SH3D19: variants seen among roughly 807,000 people sequenced by gnomAD.
The protein encoded by SH3D19 is SH3 domain containing 19, also known as SH3 domain-containing protein 19.
In SH3D19, 58 loss-of-function variants were observed where a neutral mutation model predicts 112.1. The ratio of observed to expected loss-of-function variants is 0.52; its 90% confidence interval spans 0.42 to 0.64. SH3D19 has a LOEUF of 0.64. Ranked by LOEUF, SH3D19 falls within the 30% of genes least tolerant of loss-of-function variation. The pLI, the probability that SH3D19 is intolerant of heterozygous loss-of-function variation, is 0.00. For synonymous variants in SH3D19, 391 were observed against 448.5 expected, an observed-to-expected ratio of 0.87 and a Z score of 1.62; for missense variants, 1,090 against 1,263.4, an observed-to-expected ratio of 0.86 and a Z score of 2.08.
chr4:151,296,045 AAAG>A lies in SH3D19; in HGVS notation c.112+29193_112+29195del, dbSNP rs1346758587. Among the ~76,000 whole-genome samples, 412 of 143,214 alleles carry A rather than the reference AAAG, an allele frequency of 2.9e-3. 2 individuals are homozygous for A. The highest frequency in any genetic ancestry group is 4.7e-3 in the Non-Finnish European group (315 of 66,772). 94.0% of individuals were successfully genotyped at this position (143,214 alleles called of 152,430 possible). ...GCAAGGCTCCGTCTCAAAAAAAAAA[AAAG>A]AAAGAAAGAAAGAAAGAAAGAAAAT... On this transcript the variant is annotated intron_variant, in intron 1 of 19. Transcript: ENST00000604030.
intron 2 of SH3D19, among the ~76,000 whole-genome samples, chr4:151,221,723 A>G (rs891923560): frequency 6.6e-6 from 1 of 152,220 alleles, no homozygotes; most frequent in Non-Finnish European, 1.5e-5. Flanking sequence ...ACCAAGACCA[A>G]TAGCACAGTC....
At chr4:151,212,793 G>A (rs114103690) in intron 2 of SH3D19, among the ~76,000 whole-genome samples, 34 of 152,332 alleles carry the variant, frequency 2.2e-4, no homozygotes, top group Middle Eastern at 3.4e-3. Context: ...TAAGGCCATA[G>A]TTGCCATAGA....
Position 151,175,148 on chromosome 4 carries a change from A to T in SH3D19, c.1056T>A (p.Thr352=), listed in dbSNP as rs372836320. 3.7e-6 allele frequency: 6 copies of T among 1,614,022 alleles called. No homozygotes were observed. In the African/African-American group the frequency reaches 8.0e-5, roughly 22 times the overall value. The part of the protein sequence containing the change: ...NRASGEWDSG[T]ENRLKVTSKE... ...TGGAGGTCACCTTGAGTCTGTTCTCAGTCCCAGAGTCCCACTCTCCAGAAG... is the reference window on the plus strand; with the variant it reads ...TGGAGGTCACCTTGAGTCTGTTCTCTGTCCCAGAGTCCCACTCTCCAGAAG... Residue 352 remains threonine, a synonymous_variant, in exon 7 of 20, where the codon ACT becomes ACA. Coordinates refer to ENST00000604030, the MANE Select transcript of SH3D19 (RefSeq NM_001378122.1).
intron 1 of SH3D19, among the ~76,000 whole-genome samples, chr4:151,280,479 C>G (rs1258876506): frequency 6.6e-6 from 1 of 152,220 alleles, no homozygotes; most frequent in African/African-American, 2.4e-5. Context: ...TGGTACTCAA[C>G]TAAGTCACAC....
intron 2 of SH3D19, among the ~76,000 whole-genome samples, chr4:151,208,920 G>A (rs1313115914): frequency 7.0e-6 from 1 of 143,028 alleles, no homozygotes; most frequent in Non-Finnish European, 1.5e-5. Flanking sequence ...CTTGTGATCC[G>A]CCCGCCTCAG....
rs368531964 is a variant in SH3D19, at chr4:151,307,298, A to G, written c.112+17943T>C. ...CGGCCTCCCAAAGTGCTGGGATTAC[A>G]GGCGTGAGCCACTGCGCCCGGCCCC... On this transcript the variant is annotated intron_variant, in intron 1 of 19. Coordinates refer to ENST00000604030, the MANE Select transcript of SH3D19 (RefSeq NM_001378122.1). Among the ~76,000 whole-genome samples, 639 of 152,292 alleles carry G rather than the reference A, an allele frequency of 4.2e-3. 4 individuals carry two copies. Among genetic ancestry groups the G allele is most frequent in the African/African-American group, 0.013 (558 of 41,538 alleles).
At chr4:151,283,098 T>C in intron 1 of SH3D19, 1 of 1,612,280 alleles carries the variant, frequency 6.2e-7, no homozygotes, top group Non-Finnish European at 8.5e-7. Context: ...TAATCTTTTG[T>C]TCCTGTCTTC....
At chr4:151,275,826 T>C (rs1350621739) in intron 1 of SH3D19, among the ~76,000 whole-genome samples, 1 of 105,656 alleles carries the variant, frequency 9.5e-6, no homozygotes, top group African/African-American at 3.4e-5. Flanking sequence ...CAGCCACTTC[T>C]ATTATTATTA....
intron 1 of SH3D19, among the ~76,000 whole-genome samples, chr4:151,297,145 A>C (rs9997461): frequency 0.34 from 51,472 of 152,104 alleles, 9,949 homozygotes; most frequent in Non-Finnish European, 0.44. Context: ...AAATCAGATT[A>C]ATGTATTCTC....
intron 12 of SH3D19, among the ~76,000 whole-genome samples, chr4:151,142,035 A>G (rs1453033742): frequency 6.6e-6 from 1 of 152,246 alleles, no homozygotes; most frequent in Non-Finnish European, 1.5e-5. Flanking sequence ...CATACAATTC[A>G]GACCATACCA....
At chr4:151,193,153 C>T (rs1361291206) in intron 2 of SH3D19, among the ~76,000 whole-genome samples, 1 of 152,086 alleles carries the variant, frequency 6.6e-6, no homozygotes, top group Admixed American at 6.6e-5. Context: ...ACTTAATAAG[C>T]AAATCCCCAG....
intron 1 of SH3D19, among the ~76,000 whole-genome samples, chr4:151,259,337 T>C (rs1230191085): frequency 1.3e-5 from 2 of 152,184 alleles, no homozygotes; most frequent in African/African-American, 4.8e-5. Context: ...AGAGGCAGCA[T>C]GCCTGGATGG....
intron 1 of SH3D19, among the ~76,000 whole-genome samples, chr4:151,304,231 A>C (rs939060817): frequency 5.9e-5 from 9 of 152,226 alleles, no homozygotes; most frequent in African/African-American, 2.2e-4. Flanking sequence ...AAAAGCAATA[A>C]AAACCTGATA....
At chr4:151,182,558 C>T (rs975295843) in intron 3 of SH3D19, among the ~76,000 whole-genome samples, 1 of 152,192 alleles carries the variant, frequency 6.6e-6, no homozygotes, top group Non-Finnish European at 1.5e-5. Context: ...TGTCCTTCTG[C>T]ACAACCTTCA....
intron 4 of SH3D19, 125 bp from the exon 5 acceptor site, chr4:151,177,080 A>T (rs992120274): frequency 1.3e-6 from 1 of 776,656 alleles, no homozygotes; most frequent in East Asian, 3.4e-5. Context: ...ACACAGTCAC[A>T]GAAATGACCT....
At chr4:151,179,242 G>A (rs1027980066) in intron 4 of SH3D19, 113 bp downstream of exon 4, 9 of 511,454 alleles carry the variant, frequency 1.8e-5, no homozygotes, top group Non-Finnish European at 2.1e-5. Context: ...TGATGAAGCA[G>A]AATACAAGAA....
intron 1 of SH3D19, among the ~76,000 whole-genome samples, chr4:151,238,463 G>T (rs1421893786): frequency 6.6e-6 from 1 of 152,180 alleles, no homozygotes; most frequent in Admixed American, 6.5e-5. Flanking sequence ...AAGGGCAAAA[G>T]GCCCACTTTT....
intron 2 of SH3D19, among the ~76,000 whole-genome samples, chr4:151,214,012 A>C (rs1272489801): frequency 2.7e-5 from 4 of 149,954 alleles, no homozygotes; most frequent in African/African-American, 4.9e-5. Flanking sequence ...GAGGACCCTG[A>C]GGCCTTCCGC....
intron 7 of SH3D19, among the ~76,000 whole-genome samples, chr4:151,173,628 G>A (rs1759433500): frequency 6.6e-6 from 1 of 152,196 alleles, no homozygotes; most frequent in South Asian, 2.1e-4. Flanking sequence ...CAAAAGCCAT[G>A]TATGTCTTTT....
Sources: gnomAD v4.1 joint callset for allele counts (sites outside exome capture counted in the v4.1 genomes callset) on GRCh38, gnomAD v4.1.1 for gene constraint, MANE v1.5 for transcripts, NCBI Gene and HGNC (gene_info 2026-07-23, HGNC 2026-07-21) for gene names.